Variants in ABCA12 observed in about 807,000 individuals in gnomAD.
The protein encoded by ABCA12 is glucosylceramide transporter ABCA12.
In ABCA12, 156 loss-of-function variants were observed where a neutral mutation model predicts 293.5. That is an observed-to-expected ratio of 0.53 (90% confidence interval 0.47 to 0.61). The LOEUF (loss-of-function observed/expected upper bound fraction) is 0.61, where lower values mean the gene tolerates loss of function less well. Ranked by LOEUF, ABCA12 falls within the 20% of genes least tolerant of loss-of-function variation. The pLI, the probability that ABCA12 is intolerant of heterozygous loss-of-function variation, is 0.00. For missense variants in ABCA12, 2,797 were observed against 3,090.2 expected (o/e 0.91, Z 2.25); for synonymous variants, 1,063 against 1,108.0 (o/e 0.96, Z 0.81).
intron 21 of ABCA12, 109 bp from the exon 22 acceptor site, chr2:215,001,129 T>C (rs1326262643): frequency 5.8e-6 from 6 of 1,028,054 alleles, no homozygotes; most frequent in Non-Finnish European, 8.6e-6. Context: ...GAGTTAGTAA[T>C]GTGACAGTAG....
At chr2:215,121,271 G>C (rs1377590420) in intron 1 of ABCA12, among the ~76,000 whole-genome samples, 1 of 152,156 alleles carries the variant, frequency 6.6e-6, no homozygotes, top group South Asian at 2.1e-4. Context: ...ATTACTGGCT[G>C]TCTTTGATTT....
chr2:214,978,313 T>C lies in ABCA12; in HGVS notation c.5128+3A>G, dbSNP rs909314263. ...AAACAAAATATCCACATTAGATTCA[T>C]ACCATCTCTGTCTGTGAAATTGCTG... On this transcript the variant is annotated splice_donor_region_variant and intron_variant, in intron 33 of 52. Transcript: ENST00000272895. 1 of 1,614,012 alleles carries C rather than the reference T, an allele frequency of 6.2e-7. No individual in the cohort carries two copies. The highest frequency in any genetic ancestry group is 8.5e-7 in the Non-Finnish European group (1 of 1,179,922).
chr2:215,012,242 A>C, intron 15 of ABCA12, 107 bp from the exon 16 acceptor site: 4 of 991,232 alleles, frequency 4.0e-6, no homozygotes, highest in Non-Finnish European at 6.1e-6. Flanking sequence ...AACATTTTTG[A>C]AGTTTATTAA....
At chr2:215,110,831 C>T (rs1329667368) in intron 2 of ABCA12, among the ~76,000 whole-genome samples, 1 of 152,214 alleles carries the variant, frequency 6.6e-6, no homozygotes, top group Admixed American at 6.5e-5. Context: ...ATTTGATTTA[C>T]AAGAAGCTTT....
At chr2:215,112,017 A>C (rs182149185) in intron 1 of ABCA12, among the ~76,000 whole-genome samples, 76 of 152,286 alleles carry the variant, frequency 5.0e-4, no homozygotes, top group South Asian at 2.3e-3. Flanking sequence ...AATCCTTTAG[A>C]GTTTCCCACT....
rs1698747977 is a variant in ABCA12 at position 214,950,991 on chromosome 2, C to A, written c.6740G>T (p.Gly2247Val). 2 of 1,613,970 alleles carry A rather than the reference C, an allele frequency of 1.2e-6. No individual in the cohort carries two copies. Among genetic ancestry groups the A allele is most frequent in the African/African-American group, 2.7e-5 (2 of 74,908 alleles). ...TTGGACCAAGTCAAATTCAGCTGCACCACTCTCAACTCTTAATCTCTCAGC... is the reference window on the plus strand; with the variant it reads ...TTGGACCAAGTCAAATTCAGCTGCAACACTCTCAACTCTTAATCTCTCAGC... Reference protein sequence around the residue: ...VRAERLRVESGAAEFDLVQLY... With the variant: ...VRAERLRVESVAAEFDLVQLY... Residue 2247 changes from glycine (G) to valine (V), a missense_variant, in exon 45 of 53, where the codon GGT (glycine) becomes GTT (valine). Gly to Val is a moderately radical substitution (Grantham distance 109, BLOSUM62 -3). This residue lies in a region of ABCA12 where 2,130 missense variants were observed against 2,427.0 expected (regional missense o/e 0.88). Transcript: ENST00000272895.
intron 2 of ABCA12, 102 bp downstream of exon 2, chr2:215,111,495 T>G (rs1390644169): frequency 7.1e-6 from 6 of 846,394 alleles, no homozygotes; most frequent in Non-Finnish European, 1.2e-5. Context: ...GTGAAAACAC[T>G]ATACAAAAAA....
rs747270085 is a variant in ABCA12 at position 215,010,403 on chromosome 2, G to A, written c.2400C>T (p.Phe800=). The A allele has an allele frequency of 2.5e-6, 4 of 1,613,778 alleles. No homozygotes were observed. The highest frequency in any genetic ancestry group is 3.4e-6 in the Non-Finnish European group (4 of 1,179,784). The change falls in exon 18 of 53, where the codon TTC becomes TTT. Residue 800 remains phenylalanine (F), a synonymous_variant. Transcript: ENST00000272895. ...NMPAGPVIWA[F]LKPMLLGRIL... ...TTCTTCCCAACAACATAGGTTTCAA[G>A]AAAGCCCAAATCACAGGTCCAGCGG...
chr2:214,933,620 T>C (rs145455720), intron 52 of ABCA12, among the ~76,000 whole-genome samples: 2 of 37,460 alleles, frequency 5.3e-5, no homozygotes, highest in South Asian at 1.9e-3. Flanking sequence ...ATGATGTACG[T>C]TGAACGGAAA....
chr2:215,014,063 C>T (rs1048339439), intron 15 of ABCA12, among the ~76,000 whole-genome samples: 1 of 151,910 alleles, frequency 6.6e-6, no homozygotes, highest in African/African-American at 2.4e-5. Flanking sequence ...CATTTGTAAT[C>T]CCAGCTACTC....
intron 14 of ABCA12, among the ~76,000 whole-genome samples, chr2:215,016,101 G>A (rs1247320676): frequency 3.3e-5 from 5 of 151,074 alleles, no homozygotes; most frequent in African/African-American, 9.7e-5. Flanking sequence ...CTGAGATTGC[G>A]CCATTGCACT....
At chr2:215,125,079 A>T (rs1440480536) in intron 1 of ABCA12, among the ~76,000 whole-genome samples, 1 of 151,828 alleles carries the variant, frequency 6.6e-6, no homozygotes, top group African/African-American at 2.4e-5. Flanking sequence ...CCACTTTATG[A>T]TTTTGTTTGC....
chr2:215,114,180 G>A (rs1224429449), intron 1 of ABCA12, among the ~76,000 whole-genome samples: 2 of 152,100 alleles, frequency 1.3e-5, no homozygotes, highest in Non-Finnish European at 2.9e-5. Context: ...TCACCATGTA[G>A]GCCAGGATGG....
intron 50 of ABCA12, among the ~76,000 whole-genome samples, chr2:214,942,427 ATAG>A (rs1439414459): frequency 3.3e-5 from 5 of 152,212 alleles, no homozygotes; most frequent in African/African-American, 7.2e-5. Context: ...ATTAAATTTG[ATAG>A]TAGTATGATA....
intron 2 of ABCA12, among the ~76,000 whole-genome samples, chr2:215,074,480 G>A (rs141744575): frequency 2.6e-4 from 39 of 152,052 alleles, no homozygotes; most frequent in African/African-American, 7.2e-4. Flanking sequence ...AAATAATGAC[G>A]GACTCAGAAT....
chr2:215,064,959 C>A, intron 2 of ABCA12, among the ~76,000 whole-genome samples: 1 of 151,824 alleles, frequency 6.6e-6, no homozygotes, highest in Non-Finnish European at 1.5e-5. Flanking sequence ...TTTTAATTAT[C>A]CTATATACAC....
chr2:214,987,120 A>T (rs1005394566), intron 27 of ABCA12, among the ~76,000 whole-genome samples: 5 of 152,298 alleles, frequency 3.3e-5, no homozygotes, highest in African/African-American at 1.2e-4. Context: ...AGACTAGTTG[A>T]GATTGTGGTT....
chr2:215,036,985 T>C lies in ABCA12; in HGVS notation c.953A>G (p.His318Arg), dbSNP rs765900740. The change falls in exon 8 of 53, where the codon CAT becomes CGT. Residue 318 changes from histidine to arginine, a missense_variant. Physicochemically the swap from His to Arg is conservative, Grantham distance 29. Coordinates refer to ENST00000272895, the MANE Select transcript of ABCA12 (RefSeq NM_173076.3). ...GFRTLQKSVK[H>R]LLYTLDSPAQ... The stretch of plus-strand genomic sequence containing the variant: ...TGGGGAGTCCAGAGTGTACAGCAGA[T>C]GTTTAACAGACTTCTGGAGGGTTCT... The C allele has an allele frequency of 5.6e-6, 9 of 1,613,862 alleles. No homozygotes were observed. In the East Asian group the frequency reaches 2.0e-4, roughly 36 times the overall value.
intron 2 of ABCA12, among the ~76,000 whole-genome samples, chr2:215,091,545 G>GC: frequency 6.6e-6 from 1 of 152,226 alleles, no homozygotes; most frequent in South Asian, 2.1e-4. Context: ...ACGCTTTACT[G>GC]CCCTAGACCC....
Sources: allele counts gnomAD v4.1 joint callset (sites outside exome capture counted in the v4.1 genomes callset), GRCh38; gene constraint gnomAD v4.1.1; regional missense constraint gnomAD v4.1.1; transcripts MANE v1.5; gene names NCBI Gene and HGNC (gene_info 2026-07-23, HGNC 2026-07-21).